Variants in EEIG1 observed in about 807,000 individuals in gnomAD.
EEIG1 encodes the protein early estrogen-induced gene 1 protein.
the EEIG1 span, chr9:127,980,121 TTCA>T: frequency 1.2e-6 from 2 of 1,612,950 alleles, no homozygotes; most frequent in Non-Finnish European, 1.7e-6. Context: ...TTTCTTCTTC[TTCA>T]TCAAGAAAGC....
the EEIG1 span, chr9:127,943,858 TCCAGGCCGTGG>T: frequency 6.5e-6 from 1 of 154,194 alleles, no homozygotes; most frequent in Non-Finnish European, 1.4e-5. Flanking sequence ...TAGCTGCCAT[TCCAGGCCGTGG>T]CCAGCAGGAG....
the EEIG1 span, among the ~76,000 whole-genome samples, chr9:127,958,201 T>C: frequency 6.6e-6 from 1 of 152,000 alleles, no homozygotes; most frequent in South Asian, 2.1e-4. Flanking sequence ...TATACAAAAA[T>C]TAACTGAAAA....
chr9:127,965,074 A>T, the EEIG1 span, among the ~76,000 whole-genome samples: 1 of 145,498 alleles, frequency 6.9e-6, no homozygotes, highest in African/African-American at 2.6e-5. Flanking sequence ...GCGCCATCGC[A>T]CTCCAGCCTG....
the EEIG1 span, chr9:127,948,537 C>G: frequency 4.2e-6 from 4 of 962,468 alleles, no homozygotes; most frequent in Admixed American, 2.0e-5. Context: ...TCTCTCTGCC[C>G]CCTCCTGGCT....
chr9:127,976,120 G>C, the EEIG1 span, among the ~76,000 whole-genome samples: 1 of 152,208 alleles, frequency 6.6e-6, no homozygotes, highest in African/African-American at 2.4e-5. This position sits in a 1 kb window ranked among gnomAD's most constrained non-coding sequence, Gnocchi z 4.1. Context: ...CCAATCCATG[G>C]AATGGAGCCT....
chr9:127,963,376 C>T, the EEIG1 span, among the ~76,000 whole-genome samples: 7 of 152,368 alleles, frequency 4.6e-5, no homozygotes, highest in East Asian at 5.8e-4. Flanking sequence ...ACGGCCCTCC[C>T]GGGCCTGGGG....
chr9:127,948,485 C>A, the EEIG1 span: 1 of 1,491,758 alleles, frequency 6.7e-7, no homozygotes, highest in African/African-American at 1.4e-5. Context: ...CCCCCTGCAG[C>A]CTTTCGGCTC....
At chr9:127,950,085 A>C in the EEIG1 span, among the ~76,000 whole-genome samples, 1 of 152,214 alleles carries the variant, frequency 6.6e-6, no homozygotes, top group Non-Finnish European at 1.5e-5. Context: ...AGCTGGGACT[A>C]ATCAAAGATA....
the EEIG1 span, chr9:127,942,999 G>A: frequency 1.6e-6 from 1 of 623,154 alleles, no homozygotes; most frequent in African/African-American, 1.8e-5. Context: ...GGGCCTTGGT[G>A]GGCCAGGAGG....
At chr9:127,946,254 G>A in the EEIG1 span, among the ~76,000 whole-genome samples, 9 of 152,354 alleles carry the variant, frequency 5.9e-5, no homozygotes, top group African/African-American at 2.2e-4. Flanking sequence ...CGGAGTTGGA[G>A]TGGAAGGGAC....
At chr9:127,944,631 T>C in the EEIG1 span, 2 of 1,611,658 alleles carry the variant, frequency 1.2e-6, no homozygotes, top group South Asian at 2.2e-5. Context: ...GCAAGCTGGA[T>C]GCCGCTCAGC....
chr9:127,944,657 C>T, the EEIG1 span: 4 of 1,612,574 alleles, frequency 2.5e-6, no homozygotes, highest in Non-Finnish European at 1.7e-6. Context: ...AGAGCCATCG[C>T]GGCTCACGAA....
the EEIG1 span, chr9:127,944,135 C>T: frequency 5.4e-6 from 1 of 186,048 alleles, no homozygotes; most frequent in Non-Finnish European, 1.1e-5. Flanking sequence ...CCCATCTACC[C>T]CTGCCATCTG....
chr9:127,947,303 G>C, the EEIG1 span, among the ~76,000 whole-genome samples: 1 of 151,050 alleles, frequency 6.6e-6, no homozygotes, highest in African/African-American at 2.4e-5. Context: ...GGGCATGGTG[G>C]CGCTCGCCTG....
the EEIG1 span, among the ~76,000 whole-genome samples, chr9:127,979,442 C>A: frequency 1.3e-5 from 2 of 152,228 alleles, no homozygotes; most frequent in African/African-American, 4.8e-5. Context: ...GCAGCCTCCT[C>A]GACAAGGGTA....
At chr9:127,950,087 T>A in the EEIG1 span, among the ~76,000 whole-genome samples, 5 of 152,152 alleles carry the variant, frequency 3.3e-5, no homozygotes, top group African/African-American at 7.2e-5. Flanking sequence ...CTGGGACTAA[T>A]CAAAGATACC....
At chr9:127,957,449 TGAAAGACATTAAATATCTAAATAAATG>T in the EEIG1 span, among the ~76,000 whole-genome samples, 3 of 152,200 alleles carry the variant, frequency 2.0e-5, no homozygotes, top group Admixed American at 2.0e-4. Flanking sequence ...AAAACATTGC[TGAAAGACATTAAATATCTAAATAAATG>T]GAAAGACATC....
At chr9:127,960,957 C>T in the EEIG1 span, among the ~76,000 whole-genome samples, 5 of 141,576 alleles carry the variant, frequency 3.5e-5, no homozygotes, top group African/African-American at 1.3e-4. Flanking sequence ...CCCTGGCCCA[C>T]GGCCAGAGGT....
chr9:127,951,625 C>T, the EEIG1 span, among the ~76,000 whole-genome samples: 1 of 151,948 alleles, frequency 6.6e-6, no homozygotes, highest in African/African-American at 2.4e-5. Context: ...ACCATCCTGG[C>T]GAACACGGTG....
Sources: gnomAD v4.1 joint callset for allele counts (sites outside exome capture counted in the v4.1 genomes callset) on GRCh38, gnomAD v4.1.1 for gene constraint, Gnocchi (gnomAD v3.1) non-coding constraint, MANE v1.5 for transcripts, NCBI Gene and HGNC (gene_info 2026-07-23, HGNC 2026-07-21) for gene names.